NFATC3: variants seen among roughly 807,000 people sequenced by gnomAD.
NFATC3 encodes the protein nuclear factor of activated T cells 3.
NFATC3 carries 46 observed loss-of-function variants against 98.6 expected under a neutral mutation model. The observed-to-expected ratio is 0.47, with a 90% CI of 0.37 to 0.60. The LOEUF is 0.60. Ranked by LOEUF, NFATC3 falls within the 20% of genes least tolerant of loss-of-function variation. NFATC3 has a pLI of 0.00. For missense variants in NFATC3, 1,256 were observed against 1,295.5 expected (o/e 0.97, Z 0.47); for synonymous variants, 512 against 472.2 (o/e 1.08, Z -1.09).
chr16:68,228,953 A>C lies in NFATC3; in HGVS notation c.*2482A>C, dbSNP rs562762314. The stretch of plus-strand genomic sequence containing the variant: ...GTGTAAACTATCCCCACCCAGGGCC[A>C]GCCATTATCACCAGACCTCTTCTGG... On this transcript the variant is annotated 3_prime_UTR_variant, in exon 10 of 10. Coordinates refer to ENST00000346183, the MANE Select transcript of NFATC3 (RefSeq NM_173165.3). 6.6e-6 allele frequency: 1 copy of C among 152,278 alleles called. No individual in the cohort carries two copies. Among genetic ancestry groups the C allele is most frequent in the Non-Finnish European group, 1.5e-5 (1 of 68,054 alleles). The allele number at this position is 152,278 out of a possible 1,614,324, so 9.4% of individuals were successfully genotyped here. A position where few individuals can be genotyped will look rare whatever the true frequency, so the allele number is the denominator to read the frequency against.
chr16:68,226,301 G>C (rs371320037), intron 9 of NFATC3, 49 bp from the exon 10 acceptor site: 11 of 1,537,232 alleles, frequency 7.2e-6, no homozygotes, highest in Non-Finnish European at 9.6e-6. Flanking sequence ...GCATCATATG[G>C]CTAATCACTC....
intron 9 of NFATC3, among the ~76,000 whole-genome samples, chr16:68,223,720 C>A (rs1043037138): frequency 2.0e-5 from 3 of 151,478 alleles, no homozygotes; most frequent in East Asian, 1.9e-4. Context: ...GATGGTGAAA[C>A]CCTGTCTCTA....
chr16:68,127,034 G>A (rs1006836155), intron 3 of NFATC3, among the ~76,000 whole-genome samples: 1 of 152,072 alleles, frequency 6.6e-6, no homozygotes, highest in African/African-American at 2.4e-5. Flanking sequence ...CCAACACAGT[G>A]AAATCCCGTC....
chr16:68,133,409 A>G (rs1462626255), intron 3 of NFATC3, among the ~76,000 whole-genome samples: 1 of 152,232 alleles, frequency 6.6e-6, no homozygotes, highest in Non-Finnish European at 1.5e-5. Context: ...TACTCCGCAA[A>G]TATGTATAAT....
intron 9 of NFATC3, among the ~76,000 whole-genome samples, chr16:68,205,132 TTACATC>T (rs1263737533): frequency 6.6e-6 from 1 of 152,158 alleles, no homozygotes; most frequent in Non-Finnish European, 1.5e-5. Flanking sequence ...CATTTTAACT[TTACATC>T]TACAAGAGTG....
chr16:68,151,056 C>T (rs2038293319), intron 3 of NFATC3, among the ~76,000 whole-genome samples: 1 of 152,046 alleles, frequency 6.6e-6, no homozygotes, highest in Non-Finnish European at 1.5e-5. Flanking sequence ...TGGACTAATA[C>T]AGTAGTTTAA....
intron 1 of NFATC3, among the ~76,000 whole-genome samples, chr16:68,112,646 G>GTTTAT (rs2036027801): frequency 1.0e-5 from 1 of 97,644 alleles, no homozygotes; most frequent in Admixed American, 1.3e-4. Flanking sequence ...TTTCTTTTTC[G>GTTTAT]TTTTTTTTTT....
At chr16:68,138,596 A>G (rs1213146330) in intron 3 of NFATC3, 2 of 1,289,206 alleles carry the variant, frequency 1.6e-6, no homozygotes, top group African/African-American at 1.5e-5. Context: ...TATGGAAAGC[A>G]CTCAAGATAC....
In NFATC3 at chr16:68,167,149, G is replaced by A. The variant is rs1295160407; in HGVS notation, c.1774+134G>A. ...TGGGTTGCTGGTTTGATTTTCTCAT[G>A]TGGAAATGAGCTAACATGTTTGGGT... is the stretch of plus-strand genomic sequence containing the variant. On this transcript the variant is annotated intron_variant, in intron 5 of 9. Transcript: ENST00000346183. The A allele has an allele frequency of 1.9e-5, 16 of 846,288 alleles. No homozygotes were observed. In the East Asian group the frequency reaches 3.2e-4, roughly 17 times the overall value. 52.4% of individuals were successfully genotyped at this position (846,288 alleles called of 1,614,324 possible). A position where few individuals can be genotyped will look rare whatever the true frequency, so the allele number is the denominator to read the frequency against.
intron 3 of NFATC3, among the ~76,000 whole-genome samples, chr16:68,137,039 C>T (rs918099297): frequency 6.6e-6 from 1 of 152,128 alleles, no homozygotes; most frequent in Non-Finnish European, 1.5e-5. Context: ...TTACTGTACA[C>T]TGCTGTAGAC....
chr16:68,121,578 G>T (rs193259481), intron 1 of NFATC3, among the ~76,000 whole-genome samples: 64 of 151,230 alleles, frequency 4.2e-4, no homozygotes, highest in Non-Finnish European at 1.8e-4. Flanking sequence ...GCTGAGGAAA[G>T]GATCACTTGA....
intron 9 of NFATC3, among the ~76,000 whole-genome samples, chr16:68,207,924 T>C (rs1409530438): frequency 2.1e-5 from 3 of 142,270 alleles, no homozygotes; most frequent in Non-Finnish European, 4.6e-5. Context: ...TATTAAGTTA[T>C]ATTCATTATA....
At chr16:68,220,387 G>A (rs2041813900) in intron 9 of NFATC3, among the ~76,000 whole-genome samples, 1 of 152,018 alleles carries the variant, frequency 6.6e-6, no homozygotes, top group East Asian at 1.9e-4. Flanking sequence ...TAGCTGGGTG[G>A]GAGGCAGCAG....
chr16:68,111,651 T>C (rs1275614760), intron 1 of NFATC3, among the ~76,000 whole-genome samples: 4 of 152,206 alleles, frequency 2.6e-5, no homozygotes, highest in Non-Finnish European at 5.9e-5. Flanking sequence ...ATGTGTGAAT[T>C]TGGTCCTGTC....
intron 9 of NFATC3, chr16:68,221,576 A>G: frequency 2.7e-6 from 3 of 1,106,798 alleles, no homozygotes; most frequent in Non-Finnish European, 3.3e-6. Flanking sequence ...TTCAGGGGAA[A>G]ACAAGATAGA....
chr16:68,092,538 G>C (rs1299773260), intron 1 of NFATC3, among the ~76,000 whole-genome samples: 7 of 118,636 alleles, frequency 5.9e-5, no homozygotes, highest in Non-Finnish European at 1.3e-4. Flanking sequence ...GAGGCAGGCG[G>C]ATCACGAGGT....
chr16:68,163,686 G>A (rs1268865736), intron 4 of NFATC3, among the ~76,000 whole-genome samples: 2 of 142,072 alleles, frequency 1.4e-5, no homozygotes, highest in Non-Finnish European at 3.1e-5. Context: ...CTTCTCTGAC[G>A]GGGCGGCCGG....
chr16:68,174,385 G>T lies in NFATC3; in HGVS notation c.1786G>T (p.Ala596Ser). ...SIPVECSQRS[A>S]QELPHIEKYS... ...AAAATTTAAAACAGCCCAGCGGTCT[G>T]CTCAAGAACTTCCTCATATTGAGAA... The change falls in exon 6 of 10, where the codon GCT becomes TCT. Residue 596 changes from alanine to serine, a missense_variant. By Grantham distance (99) the Ala-to-Ser change is moderately conservative. Coordinates refer to ENST00000346183, the MANE Select transcript of NFATC3 (RefSeq NM_173165.3). The T allele has an allele frequency of 6.5e-7, 1 of 1,530,814 alleles. No individual in the cohort carries two copies. The highest frequency in any genetic ancestry group is 8.8e-7 in the Non-Finnish European group (1 of 1,141,362). The allele number at this position is 1,530,814 out of a possible 1,614,324, so 94.8% of individuals were successfully genotyped here.
intron 3 of NFATC3, 124 bp from the exon 4 acceptor site, chr16:68,157,736 GTTGTATTTT>G: frequency 4.5e-6 from 3 of 662,444 alleles, no homozygotes; most frequent in Non-Finnish European, 7.0e-6. Context: ...GTTACTTTTG[GTTGTATTTT>G]TTGAAATAAC....
Sources: gnomAD v4.1 joint callset for allele counts (sites outside exome capture counted in the v4.1 genomes callset) on GRCh38, gnomAD v4.1.1 for gene constraint, MANE v1.5 for transcripts, NCBI Gene and HGNC (gene_info 2026-07-23, HGNC 2026-07-21) for gene names.